SSR3: variants seen among roughly 807,000 people sequenced by gnomAD.
SSR3 encodes signal sequence receptor subunit 3.
In SSR3, 10 loss-of-function variants were observed where a neutral mutation model predicts 22.1. The observed-to-expected ratio is 0.45, with a 90% confidence interval of 0.28 to 0.77. The LOEUF (loss-of-function observed/expected upper bound fraction) is 0.77, where lower values mean the gene tolerates loss of function less well. SSR3 is among the 30% of genes least tolerant of loss of function. SSR3 has a pLI of 0.13. For missense variants in SSR3, 181 were observed against 220.5 expected (o/e 0.82, Z 1.13); for synonymous variants, 104 against 82.5 (o/e 1.26, Z -1.42).
chr3:156,549,007 GAAGAAA>G lies in SSR3; in HGVS notation c.261-10_261-5del, dbSNP rs1304019890. ...ATCCTCCCTCTTCTGTGCTACTCTG[GAAGAAA>G]AAGAAAAAAAGAAAAAGTTTCCATA... On this transcript the variant is annotated splice_region_variant and splice_polypyrimidine_tract_variant and intron_variant, in intron 2 of 4. Coordinates refer to ENST00000265044, the MANE Select transcript of SSR3 (RefSeq NM_007107.5). 1 of 1,602,602 alleles carries G rather than the reference GAAGAAA, an allele frequency of 6.2e-7. No homozygotes were observed. The highest frequency in any genetic ancestry group is 1.7e-5 in the Admixed American group (1 of 57,332).
chr3:156,550,385 T>C (rs781687907), intron 2 of SSR3, among the ~76,000 whole-genome samples: 4 of 152,238 alleles, frequency 2.6e-5, no homozygotes, highest in Non-Finnish European at 4.4e-5. Flanking sequence ...TAAATCCTCA[T>C]GAAGACATTA....
At chr3:156,550,912 T>C (rs952782106) in intron 2 of SSR3, among the ~76,000 whole-genome samples, 3 of 152,106 alleles carry the variant, frequency 2.0e-5, no homozygotes, top group Non-Finnish European at 4.4e-5. Flanking sequence ...AGTTTATAGC[T>C]GAGGAATCTG....
intron 1 of SSR3, among the ~76,000 whole-genome samples, chr3:156,554,301 T>C (rs1448346876): frequency 6.6e-6 from 1 of 152,096 alleles, no homozygotes; most frequent in Non-Finnish European, 1.5e-5. Flanking sequence ...CCAACAACAG[T>C]GCAGCAAAAG....
intron 2 of SSR3, among the ~76,000 whole-genome samples, chr3:156,552,830 T>G (rs1194924274): frequency 6.6e-6 from 1 of 152,188 alleles, no homozygotes; most frequent in Non-Finnish European, 1.5e-5. Flanking sequence ...CCATCTTTCC[T>G]AAGTCTACGT....
intron 2 of SSR3, 58 bp from the exon 3 acceptor site, chr3:156,549,061 C>T (rs1663762744): frequency 6.5e-7 from 1 of 1,527,256 alleles, no homozygotes; most frequent in Non-Finnish European, 8.8e-7. Context: ...GAACATCACA[C>T]TCTCTCAGAA....
chr3:156,551,855 G>C (rs1032123765), intron 2 of SSR3, among the ~76,000 whole-genome samples: 1 of 152,098 alleles, frequency 6.6e-6, no homozygotes, highest in Non-Finnish European at 1.5e-5. Context: ...TCCTAAATAG[G>C]GTAGGGCACA....
rs781542058 is a variant in SSR3 at position 156,554,974 on chromosome 3, A to G, written c.116T>C (p.Val39Ala). ...GCACTCACAGATGGGGATGGCAGAC[A>G]CGATGAACGCGTTTCCGAAGAAGAG... ...SALFFGNAFI[V>A]SAIPIWLYWR... is the part of the protein sequence containing the mutation. Residue 39 changes from valine (V) to alanine (A), a missense_variant, in exon 1 of 5, where the codon GTG becomes GCG. Physicochemically the swap from Val to Ala is moderately conservative, Grantham distance 64. Coordinates refer to ENST00000265044, the MANE Select transcript of SSR3 (RefSeq NM_007107.5). The G allele has an allele frequency of 1.9e-6, 3 of 1,613,934 alleles. No homozygotes were observed. The East Asian group carries it at 6.7e-5, about 36-fold the overall frequency.
intron 1 of SSR3, chr3:156,554,658 T>C (rs1279100984): frequency 2.5e-6 from 1 of 395,212 alleles, no homozygotes. Flanking sequence ...AGTTTGTCTG[T>C]TTAAATAGAG....
Position 156,543,037 on chromosome 3 carries a change from G to T in SSR3, c.*166C>A. 2.0e-6 allele frequency: 1 copy of T among 497,570 alleles called. No individual in the cohort carries two copies. Among genetic ancestry groups the T allele is most frequent in the Non-Finnish European group, 3.6e-6 (1 of 280,624 alleles). 30.8% of individuals were successfully genotyped at this position (497,570 alleles called of 1,614,324 possible). ...TCAATTCATTTAATTTCAACAATCTGTCAAAAAACAGCCAATAAACAAATA... is the reference window on the plus strand; with the variant it reads ...TCAATTCATTTAATTTCAACAATCTTTCAAAAAACAGCCAATAAACAAATA... On this transcript the variant is annotated 3_prime_UTR_variant, in exon 5 of 5. Transcript: ENST00000265044.
chr3:156,549,372 T>A (rs1234769324), intron 2 of SSR3, among the ~76,000 whole-genome samples: 1 of 152,238 alleles, frequency 6.6e-6, no homozygotes, highest in Non-Finnish European at 1.5e-5. Context: ...ATAAATTTCA[T>A]AAGGCATTAG....
rs1321112248 is a variant in SSR3, at chr3:156,540,642, GATTTTT to G, written c.*2555_*2560del. On this transcript the variant is annotated 3_prime_UTR_variant, in exon 5 of 5. Transcript: ENST00000265044. ...AAAAAAAAAAAGAATATCAATCCAA[GATTTTT>G]ATTAAGTTAAAATGAAGGAACTAAA... The G allele has an allele frequency of 7.1e-6, 1 of 140,700 alleles. No homozygotes were observed. The highest frequency in any genetic ancestry group is 1.5e-5 in the Non-Finnish European group (1 of 64,678). 8.7% of individuals were successfully genotyped at this position (140,700 alleles called of 1,614,324 possible).
intron 2 of SSR3, among the ~76,000 whole-genome samples, chr3:156,550,863 T>C (rs1206332950): frequency 6.6e-6 from 1 of 152,212 alleles, no homozygotes; most frequent in East Asian, 1.9e-4. Context: ...ATGATCATAA[T>C]GAATCCTCAC....
chr3:156,554,324 G>A (rs1019755776), intron 1 of SSR3, among the ~76,000 whole-genome samples: 1 of 152,184 alleles, frequency 6.6e-6, no homozygotes. Context: ...AGGAGTTCTG[G>A]AAACTTGAGC....
At chr3:156,548,004 A>T (rs918537547) in intron 3 of SSR3, among the ~76,000 whole-genome samples, 22 of 152,360 alleles carry the variant, frequency 1.4e-4, no homozygotes, top group African/African-American at 4.8e-4. Context: ...GCATTTTAAG[A>T]AAACCGTATT....
rs761477985 is a variant in SSR3 at position 156,544,411 on chromosome 3, C to G, written c.388G>C (p.Asp130His). ...RILWKKNEVA[D>H]YEATTFSIFY... ...ATGGAAAATGTTGTAGCTTCATAAT[C>G]AGCAACTTCATTCTTCTTCCACAAG... Residue 130 changes from aspartate (D) to histidine (H), a missense_variant, in exon 4 of 5, where the codon GAT (aspartate) becomes CAT (histidine). By Grantham distance (81) the Asp-to-His change is moderately conservative. Transcript: ENST00000265044. 1.3e-6 allele frequency: 2 copies of G among 1,587,642 alleles called. No homozygotes were observed. Among genetic ancestry groups the G allele is most frequent in the South Asian group, 2.4e-5 (2 of 84,904 alleles).
chr3:156,543,192 G>A lies in SSR3; in HGVS notation c.*11C>T. 2 of 1,612,962 alleles carry A rather than the reference G, an allele frequency of 1.2e-6. No homozygotes were observed. The highest frequency in any genetic ancestry group is 1.7e-6 in the Non-Finnish European group (2 of 1,179,506). ...CATAGACACAAAGCCAGGGGGTGAAGCTGACATGGTCTATTTGGAGCCAGT... is the reference window on the plus strand; with the variant it reads ...CATAGACACAAAGCCAGGGGGTGAAACTGACATGGTCTATTTGGAGCCAGT... On this transcript the variant is annotated 3_prime_UTR_variant, in exon 5 of 5. Coordinates refer to ENST00000265044, the MANE Select transcript of SSR3 (RefSeq NM_007107.5).
intron 3 of SSR3, 190 bp downstream of exon 3, chr3:156,548,715 C>T: frequency 4.4e-6 from 3 of 679,706 alleles, no homozygotes; most frequent in African/African-American, 3.6e-5. Flanking sequence ...TATTGTACAG[C>T]ACAGATAAAA....
intron 3 of SSR3, among the ~76,000 whole-genome samples, chr3:156,547,802 G>A (rs1202559670): frequency 1.3e-5 from 2 of 151,938 alleles, no homozygotes; most frequent in Non-Finnish European, 2.9e-5. Context: ...TTTCTTTTCA[G>A]AAGGACTTGC....
At chr3:156,545,443 C>T (rs1209422061) in intron 3 of SSR3, among the ~76,000 whole-genome samples, 4 of 152,130 alleles carry the variant, frequency 2.6e-5, no homozygotes, top group Admixed American at 1.3e-4. Context: ...ACTTTGTAGA[C>T]ACTTTGTCTC....
Sources: gnomAD v4.1 joint callset for allele counts (sites outside exome capture counted in the v4.1 genomes callset) on GRCh38, gnomAD v4.1.1 for gene constraint, MANE v1.5 for transcripts, NCBI Gene and HGNC (gene_info 2026-07-23, HGNC 2026-07-21) for gene names.